GRIA4: variants seen among roughly 807,000 people sequenced by gnomAD.
GRIA4 encodes the protein glutamate ionotropic receptor AMPA type subunit 4, also known as glutamate receptor 4.
Under a neutral mutation model 104.0 loss-of-function variants are expected in GRIA4, and 34 were observed. The ratio of observed to expected loss-of-function variants is 0.33; its 90% CI spans 0.25 to 0.44. GRIA4 has a LOEUF of 0.44. GRIA4 is among the 20% of genes least tolerant of loss of function. The pLI, the probability that GRIA4 is intolerant of heterozygous loss-of-function variation, is 1.00. For missense variants in GRIA4, 750 were observed against 1,096.5 expected, an observed-to-expected ratio of 0.68 and a Z score of 4.46; for synonymous variants, 386 against 381.9, an observed-to-expected ratio of 1.01 and a Z score of -0.13.
intron 14 of GRIA4, among the ~76,000 whole-genome samples, chr11:105,961,665 C>T (rs1467549347): frequency 6.6e-6 from 1 of 152,042 alleles, no homozygotes; most frequent in Non-Finnish European, 1.5e-5. Flanking sequence ...TAAAACATTT[C>T]CAAAAAACAT....
chr11:105,870,805 G>A (rs532057144), intron 5 of GRIA4, among the ~76,000 whole-genome samples: 2 of 152,160 alleles, frequency 1.3e-5, no homozygotes, highest in East Asian at 3.9e-4. Flanking sequence ...TTGCATCATA[G>A]ATGTCATCGG....
At chr11:105,971,308 A>T (rs1858679935) in intron 14 of GRIA4, among the ~76,000 whole-genome samples, 1 of 152,164 alleles carries the variant, frequency 6.6e-6, no homozygotes, top group African/African-American at 2.4e-5. Flanking sequence ...TTACGCTTTA[A>T]AATAATTATT....
At chr11:105,842,910 C>G (rs987933550) in intron 4 of GRIA4, 3 of 152,258 alleles carry the variant, frequency 2.0e-5, no homozygotes, top group African/African-American at 7.2e-5. Flanking sequence ...TTTTGAATGA[C>G]CTGTAAGTGC....
Position 105,828,830 on chromosome 11 carries a change from T to G in GRIA4, c.488-33194T>G, listed in dbSNP as rs937805483. On this transcript the variant is annotated intron_variant, in intron 4 of 16. Transcript: ENST00000282499. ...CCTTATATCTTTGAGGACTACTTCT[T>G]ATTCCATGGGGTGTCCCAAGATATA... Among the ~76,000 whole-genome samples the G allele has an allele frequency of 7.2e-5, 11 of 152,000 alleles. No individual in the cohort carries two copies. In the South Asian group the frequency reaches 2.1e-3, roughly 29 times the overall value.
chr11:105,975,982 G>A (rs1367337371), intron 16 of GRIA4, among the ~76,000 whole-genome samples: 1 of 152,018 alleles, frequency 6.6e-6, no homozygotes, highest in Non-Finnish European at 1.5e-5. Flanking sequence ...AACATTTTTA[G>A]CATGTCTTAT....
intron 3 of GRIA4, among the ~76,000 whole-genome samples, chr11:105,625,963 A>T (rs1364788596): frequency 6.6e-6 from 1 of 152,126 alleles, no homozygotes; most frequent in Non-Finnish European, 1.5e-5. Flanking sequence ...ACTATTTTTA[A>T]ATTCTGTGGG....
rs1951277949 is a variant in GRIA4, at chr11:105,638,739, T to C, written c.247+26305T>C. Among the ~76,000 whole-genome samples the C allele has an allele frequency of 2.0e-5, 3 of 152,144 alleles. No individual in the cohort carries two copies. The South Asian group carries it at 6.2e-4, about 31-fold the overall frequency. On this transcript the variant is annotated intron_variant, in intron 3 of 16. Transcript: ENST00000282499. ...TTTTGCCTTTATAATACCTCAAATT[T>C]ACCATCATTCTTTCACTTTATCTGT...
intron 4 of GRIA4, among the ~76,000 whole-genome samples, chr11:105,757,617 C>T (rs1204635411): frequency 1.3e-5 from 2 of 152,100 alleles, no homozygotes; most frequent in Non-Finnish European, 2.9e-5. Context: ...GACAAATATG[C>T]AGACCTCCGT....
intron 4 of GRIA4, chr11:105,797,617 T>A: frequency 4.0e-6 from 1 of 251,642 alleles, no homozygotes. Flanking sequence ...CCCATCTGAT[T>A]CTTTGTTCTC....
chr11:105,816,876 G>C (rs1010880369), intron 4 of GRIA4, among the ~76,000 whole-genome samples: 3 of 151,980 alleles, frequency 2.0e-5, no homozygotes, highest in African/African-American at 7.2e-5. Flanking sequence ...AATTAGCCTG[G>C]ATGGTGGTGC....
intron 13 of GRIA4, among the ~76,000 whole-genome samples, chr11:105,931,977 A>G (rs1318381658): frequency 6.6e-6 from 1 of 152,082 alleles, no homozygotes; most frequent in Non-Finnish European, 1.5e-5. Flanking sequence ...AGGAAGCTCA[A>G]TGTAAATAAA....
At chr11:105,919,098 A>T (rs928537846) in intron 11 of GRIA4, among the ~76,000 whole-genome samples, 180 bp downstream of exon 11, 2 of 152,144 alleles carry the variant, frequency 1.3e-5, no homozygotes, top group Non-Finnish European at 2.9e-5. Flanking sequence ...AACAATGAGA[A>T]AAACTGACAC....
At chr11:105,820,615 G>C (rs1027559854) in intron 4 of GRIA4, among the ~76,000 whole-genome samples, 1 of 151,596 alleles carries the variant, frequency 6.6e-6, no homozygotes, top group African/African-American at 2.4e-5. Context: ...AATCCATCAA[G>C]CTTTCCATCT....
chr11:105,634,495 AAG>A (rs1951142592), intron 3 of GRIA4, among the ~76,000 whole-genome samples: 1 of 69,432 alleles, frequency 1.4e-5, no homozygotes, highest in African/African-American at 4.3e-5. Context: ...GAAAGAAAGA[AAG>A]AAAGAAAGAA....
At chr11:105,857,548 C>T (rs980404831) in intron 4 of GRIA4, among the ~76,000 whole-genome samples, 8 of 152,100 alleles carry the variant, frequency 5.3e-5, no homozygotes, top group South Asian at 2.1e-4. Flanking sequence ...TTTCTCTATC[C>T]CATATTCATC....
At position 105,688,138 on chromosome 11, in the gene GRIA4, CTATA is replaced by C. The variant is rs1445974688; in HGVS notation, c.248-64841_248-64838del. On this transcript the variant is annotated intron_variant, in intron 3 of 16. Coordinates refer to ENST00000282499, the MANE Select transcript of GRIA4 (RefSeq NM_000829.4). ...TCTATATCTATATCTATATCTATAT[CTATA>C]TCTATATCTATATCTCTATCTATCT... 5.3e-3 allele frequency among the ~76,000 whole-genome samples: 412 copies of C among 77,884 alleles called. 2 individuals are homozygous for C. The highest frequency in any genetic ancestry group is 0.016 in the African/African-American group (382 of 24,592). 51.1% of individuals were successfully genotyped at this position (77,884 alleles called of 152,430 possible). A position where few individuals can be genotyped will look rare whatever the true frequency, so the allele number is the denominator to read the frequency against.
chr11:105,751,263 T>C (rs1939979880), intron 3 of GRIA4, among the ~76,000 whole-genome samples: 1 of 152,076 alleles, frequency 6.6e-6, no homozygotes, highest in Non-Finnish European at 1.5e-5. Flanking sequence ...GAACAAAAAA[T>C]ATGAAAATAT....
At chr11:105,744,501 T>C (rs375900232) in intron 3 of GRIA4, among the ~76,000 whole-genome samples, 1 of 152,170 alleles carries the variant, frequency 6.6e-6, no homozygotes, top group Non-Finnish European at 1.5e-5. Flanking sequence ...ACATAAATAC[T>C]TGAAGTATCA....
chr11:105,816,603 C>CTTATAAAT (rs1454882290), intron 4 of GRIA4, among the ~76,000 whole-genome samples: 8 of 152,130 alleles, frequency 5.3e-5, no homozygotes, highest in Non-Finnish European at 1.2e-4. Flanking sequence ...TTATAAATTA[C>CTTATAAAT]CCAGTCTCAG....
Sources: gnomAD v4.1 joint callset for allele counts (sites outside exome capture counted in the v4.1 genomes callset) on GRCh38, gnomAD v4.1.1 for gene constraint, MANE v1.5 for transcripts, NCBI Gene and HGNC (gene_info 2026-07-23, HGNC 2026-07-21) for gene names.